CACNA2D3: variants seen among roughly 807,000 people sequenced by gnomAD.
CACNA2D3 encodes the protein calcium voltage-gated channel auxiliary subunit alpha2delta 3.
Under a neutral mutation model 160.6 loss-of-function variants are expected in CACNA2D3, and 60 were observed. The observed-to-expected ratio is 0.37, with a 90% CI of 0.30 to 0.46. CACNA2D3 has a LOEUF of 0.46. Ranked by LOEUF, CACNA2D3 falls within the 20% of genes least tolerant of loss-of-function variation. The pLI is 1.00. For synonymous variants in CACNA2D3, 558 were observed against 492.9 expected (o/e 1.13, Z -1.75); for missense variants, 1,205 against 1,365.0 (o/e 0.88, Z 1.85).
intron 13 of CACNA2D3, among the ~76,000 whole-genome samples, chr3:54,765,302 A>G (rs1444041340): frequency 2.6e-5 from 4 of 152,160 alleles, no homozygotes; most frequent in Non-Finnish European, 5.9e-5. Flanking sequence ...AGCCTGCCCC[A>G]TCTCAGCCTT....
intron 2 of CACNA2D3, among the ~76,000 whole-genome samples, chr3:54,256,579 GT>G (rs1374548713): frequency 6.6e-6 from 1 of 152,054 alleles, no homozygotes; most frequent in Non-Finnish European, 1.5e-5. Context: ...GTCTCCCCAA[GT>G]TTATGCTGCT....
At chr3:54,224,140 T>G (rs566432340) in intron 2 of CACNA2D3, among the ~76,000 whole-genome samples, 1 of 152,282 alleles carries the variant, frequency 6.6e-6, no homozygotes, top group South Asian at 2.1e-4. Context: ...TCAGGATCAC[T>G]GTCTTTCACC....
intron 2 of CACNA2D3, among the ~76,000 whole-genome samples, chr3:54,275,777 C>A (rs1485278365): frequency 6.6e-6 from 1 of 152,126 alleles, no homozygotes; most frequent in African/African-American, 2.4e-5. Context: ...GCCACCACGC[C>A]TGGCTAATTT....
At chr3:54,632,787 G>A (rs907861703) in intron 10 of CACNA2D3, 1 of 152,170 alleles carries the variant, frequency 6.6e-6, no homozygotes, top group Non-Finnish European at 1.5e-5. Flanking sequence ...TTGAAGAATT[G>A]ATGGGTCTTT....
intron 2 of CACNA2D3, among the ~76,000 whole-genome samples, chr3:54,310,976 C>G (rs1369215272): frequency 1.3e-5 from 2 of 152,138 alleles, no homozygotes; most frequent in African/African-American, 4.8e-5. Flanking sequence ...AGTCCCTGGT[C>G]CTCGGCACCA....
chr3:54,563,574 T>A (rs569609395), intron 6 of CACNA2D3, among the ~76,000 whole-genome samples: 1 of 152,194 alleles, frequency 6.6e-6, no homozygotes, highest in Non-Finnish European at 1.5e-5. Context: ...TGTGATAGGA[T>A]TTTAATTCTG....
intron 2 of CACNA2D3, among the ~76,000 whole-genome samples, chr3:54,200,963 T>A (rs11919863): frequency 0.28 from 42,296 of 152,100 alleles, 6,896 homozygotes; most frequent in Middle Eastern, 0.37. Flanking sequence ...GCTGAAATGA[T>A]CCTGTGGTTT....
chr3:55,073,638 TATTAGAGAAGGAAAA>T, intron 36 of CACNA2D3, 81 bp downstream of exon 36: 2 of 1,301,568 alleles, frequency 1.5e-6, no homozygotes, highest in South Asian at 2.5e-5. Flanking sequence ...GGGGGAGAAA[TATTAGAGAAGGAAAA>T]TTACATCCTT....
intron 13 of CACNA2D3, among the ~76,000 whole-genome samples, chr3:54,769,802 A>G (rs1053828365): frequency 6.6e-5 from 10 of 152,306 alleles, no homozygotes; most frequent in Non-Finnish European, 1.0e-4. Context: ...AGAACTTGGT[A>G]GTTAAGTATG....
chr3:54,473,663 C>T (rs1700776467), intron 4 of CACNA2D3, among the ~76,000 whole-genome samples: 1 of 152,082 alleles, frequency 6.6e-6, no homozygotes, highest in South Asian at 2.1e-4. Flanking sequence ...CCAGAATCTA[C>T]AAGGAACATA....
At chr3:55,041,884 T>G (rs982511129) in intron 35 of CACNA2D3, among the ~76,000 whole-genome samples, 7 of 152,140 alleles carry the variant, frequency 4.6e-5, no homozygotes, top group Admixed American at 1.3e-4. Flanking sequence ...TATTTTCTAA[T>G]CTGCATTGTG....
At chr3:54,577,609 G>A (rs367682465) in intron 8 of CACNA2D3, among the ~76,000 whole-genome samples, 10 of 151,674 alleles carry the variant, frequency 6.6e-5, no homozygotes, top group South Asian at 2.1e-4. Context: ...CCTTTATGTA[G>A]CACACATCAC....
At chr3:54,715,518 C>T (rs757104615) in intron 11 of CACNA2D3, among the ~76,000 whole-genome samples, 1 of 151,858 alleles carries the variant, frequency 6.6e-6, no homozygotes, top group South Asian at 2.1e-4. Context: ...ATGGGGGGGG[C>T]AGGGGGAGGT....
chr3:54,370,907 A>G (rs1306283203), intron 3 of CACNA2D3, among the ~76,000 whole-genome samples: 2 of 150,762 alleles, frequency 1.3e-5, no homozygotes, highest in African/African-American at 4.9e-5. Context: ...AGCCCTAGGC[A>G]TCCACAAATC....
chr3:54,240,829 C>T (rs1457724679), intron 2 of CACNA2D3, among the ~76,000 whole-genome samples: 1 of 152,110 alleles, frequency 6.6e-6, no homozygotes, highest in Non-Finnish European at 1.5e-5. Flanking sequence ...GCGTCTTCTG[C>T]CTCCCAGGTT....
At chr3:54,899,432 G>A (rs909432999) in intron 26 of CACNA2D3, among the ~76,000 whole-genome samples, 2 of 152,128 alleles carry the variant, frequency 1.3e-5, no homozygotes, top group Non-Finnish European at 2.9e-5. Flanking sequence ...ATTTAGACAG[G>A]CAGTGTAAAT....
intron 2 of CACNA2D3, among the ~76,000 whole-genome samples, chr3:54,220,218 T>C (rs1453815637): frequency 6.6e-6 from 1 of 152,214 alleles, no homozygotes; most frequent in Non-Finnish European, 1.5e-5. Flanking sequence ...TCTGCTCTGA[T>C]AGCACCAGTA....
intron 2 of CACNA2D3, among the ~76,000 whole-genome samples, chr3:54,221,763 G>A (rs1377264049): frequency 6.6e-6 from 1 of 152,092 alleles, no homozygotes; most frequent in Admixed American, 6.5e-5. Context: ...AACTAATGGA[G>A]TGTAAATGCT....
At chr3:54,206,642 G>A (rs1445726485) in intron 2 of CACNA2D3, among the ~76,000 whole-genome samples, 1 of 152,180 alleles carries the variant, frequency 6.6e-6, no homozygotes, top group East Asian at 1.9e-4. Flanking sequence ...AGTAAGCTTA[G>A]TTTGGTATAC....
Sources: gnomAD v4.1 joint callset for allele counts (sites outside exome capture counted in the v4.1 genomes callset) on GRCh38, gnomAD v4.1.1 for gene constraint, MANE v1.5 for transcripts, NCBI Gene and HGNC (gene_info 2026-07-23, HGNC 2026-07-21) for gene names.